Variants in ZSCAN2 observed in about 807,000 individuals in gnomAD.
ZSCAN2 encodes the protein zinc finger and SCAN domain-containing protein 2.
Under a neutral mutation model 47.8 loss-of-function variants are expected in ZSCAN2, and 26 were observed. The ratio of observed to expected loss-of-function variants is 0.54; its 90% CI spans 0.40 to 0.75. The LOEUF (loss-of-function observed/expected upper bound fraction) is 0.75, where lower values mean the gene tolerates loss of function less well. Ranked by LOEUF, ZSCAN2 falls within the 30% of genes least tolerant of loss-of-function variation. The pLI is 0.00. For synonymous variants in ZSCAN2, 305 were observed against 288.7 expected (o/e 1.06, Z -0.57); for missense variants, 732 against 785.4 (o/e 0.93, Z 0.81).
chr15:84,612,530 C>A (rs912650201), intron 2 of ZSCAN2, among the ~76,000 whole-genome samples: 1 of 152,058 alleles, frequency 6.6e-6, no homozygotes, highest in Non-Finnish European at 1.5e-5. Flanking sequence ...GTCAGGAGAT[C>A]GAGACTATCC....
At chr15:84,615,505 A>G (rs977098107) in intron 2 of ZSCAN2, among the ~76,000 whole-genome samples, 12 of 151,952 alleles carry the variant, frequency 7.9e-5, no homozygotes, top group African/African-American at 2.9e-4. Flanking sequence ...TAATTTTTGT[A>G]TTTTTTGTAG....
chr15:84,615,148 G>C (rs1183242565), intron 2 of ZSCAN2, among the ~76,000 whole-genome samples: 1 of 152,076 alleles, frequency 6.6e-6, no homozygotes, highest in South Asian at 2.1e-4. Context: ...TAGAGACGGG[G>C]TTTCACCATA....
Position 84,619,158 on chromosome 15 carries a change from G to A in ZSCAN2, c.407-1444G>A, listed in dbSNP as rs149580593. Among the ~76,000 whole-genome samples, 599 of 152,270 alleles carry A rather than the reference G, an allele frequency of 3.9e-3. 3 individuals are homozygous for A. Among genetic ancestry groups the A allele is most frequent in the African/African-American group, 0.013 (545 of 41,560 alleles). On this transcript the variant is annotated intron_variant, in intron 2 of 2. Transcript: ENST00000546148. ...ATTAAAGATCTATTCATGGCTGGGC[G>A]CGGTGGCTCACGCCTGTAATCCCAG...
chr15:84,615,812 C>T lies in ZSCAN2; in HGVS notation c.407-4790C>T, dbSNP rs193114580. Among the ~76,000 whole-genome samples, 22 of 152,124 alleles carry T rather than the reference C, an allele frequency of 1.4e-4. No individual in the cohort carries two copies. In the East Asian group the frequency reaches 4.1e-3, roughly 28 times the overall value. On this transcript the variant is annotated intron_variant, in intron 2 of 2. Transcript: ENST00000546148. Reference sequence around the variant, plus strand: ...CTGATTTTCCCTCCTTTCCTGAGTTCTTCTAGTGTACATTTAATCTCTTCC... The same window carrying T: ...CTGATTTTCCCTCCTTTCCTGAGTTTTTCTAGTGTACATTTAATCTCTTCC...
At chr15:84,605,377 G>A (rs566946197) in intron 2 of ZSCAN2, among the ~76,000 whole-genome samples, 14 of 152,190 alleles carry the variant, frequency 9.2e-5, no homozygotes, top group Non-Finnish European at 1.3e-4. Flanking sequence ...AGGGAGCGTG[G>A]AGAGGAAAGG....
At chr15:84,601,503 C>T (rs1293251650) in intron 1 of ZSCAN2, among the ~76,000 whole-genome samples, 3 of 152,208 alleles carry the variant, frequency 2.0e-5, no homozygotes, top group Admixed American at 6.5e-5. Flanking sequence ...GCACACTTTT[C>T]CCAGGCTCCC....
At chr15:84,601,743 ACT>A (rs1174467439) in intron 1 of ZSCAN2, among the ~76,000 whole-genome samples, 1 of 151,740 alleles carries the variant, frequency 6.6e-6, no homozygotes, top group Non-Finnish European at 1.5e-5. Context: ...ACTGGGTCTC[ACT>A]CTGTTGCCCA....
chr15:84,610,334 T>G (rs1401069620), intron 2 of ZSCAN2, among the ~76,000 whole-genome samples: 3 of 152,154 alleles, frequency 2.0e-5, no homozygotes, highest in African/African-American at 7.2e-5. Context: ...GAGAGAATAT[T>G]TTTGTAATCT....
At chr15:84,608,896 C>A (rs749715933) in intron 2 of ZSCAN2, among the ~76,000 whole-genome samples, 6 of 152,212 alleles carry the variant, frequency 3.9e-5, no homozygotes, top group Non-Finnish European at 8.8e-5. Context: ...CCAAGCCCCG[C>A]TGAAGCAAAT....
chr15:84,604,980 C>T (rs951085616), intron 2 of ZSCAN2, among the ~76,000 whole-genome samples: 3 of 152,116 alleles, frequency 2.0e-5, no homozygotes, highest in Non-Finnish European at 4.4e-5. Context: ...TCGTGATCCG[C>T]CCACCTCAGC....
rs1158296214 is a variant in ZSCAN2 at position 84,621,665 on chromosome 15, C to A, written c.1470C>A (p.Leu490=). The A allele has an allele frequency of 6.2e-7, 1 of 1,613,706 alleles. No individual in the cohort carries two copies. Among genetic ancestry groups the A allele is most frequent in the Non-Finnish European group, 8.5e-7 (1 of 1,179,922 alleles). ...GESFSWSSNL[L]KHQRIHTGEK... is the part of the protein sequence containing the mutation. ...GCTTCAGCTGGAGCTCCAACCTCCT[C>A]AAGCACCAGAGGATCCACACGGGAG... Residue 490 remains leucine (L), a synonymous_variant, in exon 3 of 3, where the codon CTC becomes CTA. Coordinates refer to ENST00000546148, the MANE Select transcript of ZSCAN2 (RefSeq NM_181877.4). The surrounding 1 kb of genome is among the most constrained non-coding windows in gnomAD (Gnocchi z 5.7).
chr15:84,606,262 A>G (rs2141763497), intron 2 of ZSCAN2: 4 of 418,010 alleles, frequency 9.6e-6, no homozygotes, highest in Non-Finnish European at 1.8e-5. Flanking sequence ...GCAGTGACCC[A>G]GCCCTGCCCT....
chr15:84,609,928 T>C (rs758912281), intron 2 of ZSCAN2, among the ~76,000 whole-genome samples: 2 of 152,224 alleles, frequency 1.3e-5, no homozygotes, highest in African/African-American at 2.4e-5. Context: ...GTCTTCCCCA[T>C]GTTCATTCTG....
At chr15:84,606,570 TTG>T (rs760856352) in intron 2 of ZSCAN2, 4 of 1,613,994 alleles carry the variant, frequency 2.5e-6, no homozygotes, top group Non-Finnish European at 3.4e-6. Context: ...GGTGACCAGT[TTG>T]TAATGAACTT....
At position 84,622,453 on chromosome 15, in the gene ZSCAN2, G is replaced by T; in HGVS notation, c.*413G>T. On this transcript the variant is annotated 3_prime_UTR_variant, in exon 3 of 3. Transcript: ENST00000546148. ...TCATTGGTGTGGTTCTGGTTGTTTT[G>T]TTGTTTTGCTGCCACGTTGTTGGGC... The T allele has an allele frequency of 1.6e-6, 1 of 616,578 alleles. No individual in the cohort carries two copies. Among genetic ancestry groups the T allele is most frequent in the Non-Finnish European group, 2.9e-6 (1 of 339,600 alleles). 38.2% of individuals were successfully genotyped at this position (616,578 alleles called of 1,614,324 possible).
chr15:84,609,588 A>G (rs1287727221), intron 2 of ZSCAN2, among the ~76,000 whole-genome samples: 1 of 152,184 alleles, frequency 6.6e-6, no homozygotes, highest in Non-Finnish European at 1.5e-5. Context: ...GCATTCATGT[A>G]TTTCACCTGA....
rs16974939 is a variant in ZSCAN2, at chr15:84,605,893, A to G, written c.406+1560A>G. Among the ~76,000 whole-genome samples, 1,425 of 152,328 alleles carry G rather than the reference A, an allele frequency of 9.4e-3. 30 individuals carry two copies. The highest frequency in any genetic ancestry group is 0.033 in the African/African-American group (1,381 of 41,562). The stretch of plus-strand genomic sequence containing the variant: ...AGCATCTAATATGGAAAACTCATGT[A>G]ATCTTCACCACCCTGGAAGATAAGC... On this transcript the variant is annotated intron_variant, in intron 2 of 2. Coordinates refer to ENST00000546148, the MANE Select transcript of ZSCAN2 (RefSeq NM_181877.4).
intron 1 of ZSCAN2, 100 bp from the exon 2 acceptor site, chr15:84,603,720 A>G (rs1407663147): frequency 1.7e-5 from 9 of 528,186 alleles, no homozygotes; most frequent in African/African-American, 3.8e-5. Context: ...GTTGGTTTGC[A>G]TATGTAAGGG....
chr15:84,620,752 G>C lies in ZSCAN2; in HGVS notation c.557G>C (p.Arg186Thr), dbSNP rs1474523019. 1 of 1,614,224 alleles carries C rather than the reference G, an allele frequency of 6.2e-7. No homozygotes were observed. The highest frequency in any genetic ancestry group is 2.2e-5 in the East Asian group (1 of 44,886). ...TTTGAGAGAGATGCTGGCATCCAGAGGCTCCAGGGACACAGCCCAGGTGAG... is the reference window on the plus strand; with the variant it reads ...TTTGAGAGAGATGCTGGCATCCAGACGCTCCAGGGACACAGCCCAGGTGAG... The part of the protein sequence containing the change: ...SDFERDAGIQ[R>T]LQGHSPGEDH... The change falls in exon 3 of 3, where the codon AGG (arginine) becomes ACG (threonine). Residue 186 changes from arginine (R) to threonine (T), a missense_variant. Physicochemically the swap from Arg to Thr is moderately conservative, Grantham distance 71. Transcript: ENST00000546148.
Sources: allele counts gnomAD v4.1 joint callset (sites outside exome capture counted in the v4.1 genomes callset), GRCh38; gene constraint gnomAD v4.1.1; non-coding constraint Gnocchi (gnomAD v3.1); transcripts MANE v1.5; gene names NCBI Gene and HGNC (gene_info 2026-07-23, HGNC 2026-07-21).